The following MEF2C variants were observed in gnomAD, a reference collection of about 807,000 sequenced individuals.
MEF2C encodes myocyte-specific enhancer factor 2C.
In MEF2C, 6 loss-of-function variants were observed where a neutral mutation model predicts 50.5. The ratio of observed to expected loss-of-function variants is 0.12; its 90% CI spans 0.07 to 0.23. MEF2C has a LOEUF of 0.23. Among genes scored for constraint, MEF2C ranks in the 10% least tolerant of loss-of-function variants. The pLI is 1.00. For missense variants in MEF2C, 276 were observed against 605.0 expected, an observed-to-expected ratio of 0.46 and a Z score of 5.70; for synonymous variants, 183 against 228.0, an observed-to-expected ratio of 0.80 and a Z score of 1.78.
chr5:88,786,088 G>A (rs1000598744), intron 3 of MEF2C, among the ~76,000 whole-genome samples: 1 of 152,016 alleles, frequency 6.6e-6, no homozygotes, highest in African/African-American at 2.4e-5. Context: ...CTACCAGTTA[G>A]AAGACATTTG....
intron 6 of MEF2C, chr5:88,738,785 T>G: frequency 2.0e-6 from 2 of 985,366 alleles, no homozygotes; most frequent in Non-Finnish European, 1.2e-6. Flanking sequence ...AACTTGGGCA[T>G]AGTAAATAGT....
chr5:88,828,108 G>A (rs1348908493), intron 1 of MEF2C, among the ~76,000 whole-genome samples: 1 of 151,840 alleles, frequency 6.6e-6, no homozygotes, highest in East Asian at 1.9e-4. Context: ...GGTTTCTGTA[G>A]GAAGAAAACC....
chr5:88,785,950 A>C (rs1287740424), intron 3 of MEF2C, among the ~76,000 whole-genome samples: 1 of 152,146 alleles, frequency 6.6e-6, no homozygotes, highest in East Asian at 1.9e-4. Context: ...CCGCATTCTC[A>C]AAGGTTTCTC....
chr5:88,884,747 A>G (rs1420445336), upstream of MEF2C, among the ~76,000 whole-genome samples: 1 of 151,492 alleles, frequency 6.6e-6, no homozygotes, highest in East Asian at 1.9e-4. Context: ...ATAGAGACTG[A>G]TAAGGGAGGA....
Position 88,881,927 on chromosome 5 carries a change from T to C in MEF2C, c.-143+1028A>G, listed in dbSNP as rs537767047. On this transcript the variant is annotated intron_variant, in intron 1 of 10. Transcript: ENST00000504921. ...GAACTGGCAGAGAGCCCAATTCTAC[T>C]TAGTCTACTGTCAGCATTTACATAT... Among the ~76,000 whole-genome samples the C allele has an allele frequency of 6.8e-4, 103 of 152,308 alleles. 1 individual carries two copies. The highest frequency in any genetic ancestry group is 3.9e-4 in the East Asian group (2 of 5,192).
intron 1 of MEF2C, among the ~76,000 whole-genome samples, chr5:88,875,278 A>G (rs986761915): frequency 3.9e-5 from 6 of 151,948 alleles, no homozygotes; most frequent in Admixed American, 3.9e-4. Flanking sequence ...AAAAGCTCAC[A>G]TTTTCTCCCC....
chr5:88,825,198 T>G (rs982272577), intron 1 of MEF2C, among the ~76,000 whole-genome samples: 43 of 152,078 alleles, frequency 2.8e-4, no homozygotes, highest in African/African-American at 9.9e-4. Flanking sequence ...TGTTACACAT[T>G]CGGTCTGACC....
chr5:88,810,237 C>T (rs941449956), intron 2 of MEF2C, among the ~76,000 whole-genome samples: 1 of 151,954 alleles, frequency 6.6e-6, no homozygotes, highest in Non-Finnish European at 1.5e-5. Context: ...CTTTATTTTA[C>T]TACAATGTTT....
intron 1 of MEF2C, among the ~76,000 whole-genome samples, chr5:88,845,093 G>A (rs571819088): frequency 6.6e-6 from 1 of 152,296 alleles, no homozygotes; most frequent in South Asian, 2.1e-4. Context: ...ACTAAAAAAC[G>A]TCAAGGACCA....
Position 88,728,490 on chromosome 5 carries a change from T to C in MEF2C, c.1100+3A>G, listed in dbSNP as rs779821248. The C allele has an allele frequency of 6.8e-7, 1 of 1,474,798 alleles. No homozygotes were observed. Among genetic ancestry groups the C allele is most frequent in the Non-Finnish European group, 9.0e-7 (1 of 1,110,726 alleles). 91.4% of individuals were successfully genotyped at this position (1,474,798 alleles called of 1,614,324 possible). Reference sequence around the variant, plus strand: ...TTATATTATAAAAAATAATATTGCTTACCCCAACTGACTGAGGGCAGATGG... The same window carrying C: ...TTATATTATAAAAAATAATATTGCTCACCCCAACTGACTGAGGGCAGATGG... On this transcript the variant is annotated splice_donor_region_variant and intron_variant, in intron 10 of 10. Coordinates refer to ENST00000504921, the MANE Select transcript of MEF2C (RefSeq NM_002397.5).
chr5:88,801,999 A>C (rs908308390), intron 3 of MEF2C, among the ~76,000 whole-genome samples: 1 of 152,218 alleles, frequency 6.6e-6, no homozygotes, highest in Non-Finnish European at 1.5e-5. Context: ...TGAAGAATGC[A>C]TAATTCAGGG....
chr5:88,815,532 A>G (rs930770690), intron 2 of MEF2C, among the ~76,000 whole-genome samples: 6 of 152,112 alleles, frequency 3.9e-5, no homozygotes, highest in African/African-American at 1.4e-4. Flanking sequence ...TAATGGTCCA[A>G]CATATTTCAA....
At chr5:88,881,494 C>A (rs1198157534) in intron 1 of MEF2C, among the ~76,000 whole-genome samples, 1 of 152,062 alleles carries the variant, frequency 6.6e-6, no homozygotes, top group East Asian at 1.9e-4. Context: ...AAAGACTAGC[C>A]AAAACTGACA....
intron 5 of MEF2C, chr5:88,750,156 T>G (rs1771994707): frequency 1.1e-6 from 1 of 872,328 alleles, no homozygotes; most frequent in Non-Finnish European, 1.4e-6. Flanking sequence ...TTGGTTCAGG[T>G]TTTGGAATTA....
At chr5:88,763,775 C>T (rs1392042776) in intron 3 of MEF2C, among the ~76,000 whole-genome samples, 3 of 152,008 alleles carry the variant, frequency 2.0e-5, no homozygotes, top group South Asian at 2.1e-4. Flanking sequence ...CCAACTCAGC[C>T]TCCTGGGCAG....
intron 2 of MEF2C, among the ~76,000 whole-genome samples, chr5:88,813,599 A>G (rs1803886467): frequency 6.6e-6 from 1 of 152,042 alleles, no homozygotes. Flanking sequence ...TCACATCTAT[A>G]ATAATAATTG....
At chr5:88,820,714 T>G (rs1807920390) in intron 2 of MEF2C, among the ~76,000 whole-genome samples, 2 of 152,012 alleles carry the variant, frequency 1.3e-5, no homozygotes, top group African/African-American at 4.8e-5. Flanking sequence ...CATTTTTCTT[T>G]GCAACATGTG....
At chr5:88,779,383 GGTTAAGGCAGGTGGCTGGGAGAA>G (rs1483332323) in intron 3 of MEF2C, among the ~76,000 whole-genome samples, 2 of 152,096 alleles carry the variant, frequency 1.3e-5, no homozygotes, top group African/African-American at 4.8e-5. Flanking sequence ...TGAAGCATGA[GGTTAAGGCAGGTGGCTGGGAGAA>G]GTTAGAAACT....
intron 6 of MEF2C, among the ~76,000 whole-genome samples, chr5:88,744,474 A>G (rs1000474903): frequency 2.0e-5 from 3 of 152,164 alleles, no homozygotes; most frequent in Admixed American, 2.0e-4. Context: ...AGTTGCTTGA[A>G]CCCAGGAGGC....
Sources: allele counts gnomAD v4.1 joint callset (sites outside exome capture counted in the v4.1 genomes callset), GRCh38; gene constraint gnomAD v4.1.1; transcripts MANE v1.5; gene names NCBI Gene and HGNC (gene_info 2026-07-23, HGNC 2026-07-21).